Variants in HMCN1 observed in about 807,000 individuals in gnomAD.
The protein encoded by HMCN1 is hemicentin-1.
In HMCN1, 321 loss-of-function variants were observed where a neutral mutation model predicts 625.9. That is an observed-to-expected ratio of 0.51 (90% CI 0.47 to 0.56). The LOEUF (loss-of-function observed/expected upper bound fraction) is 0.56. HMCN1 is among the 20% of genes least tolerant of loss of function. The pLI, the probability that HMCN1 is intolerant of heterozygous loss-of-function variation, is 0.00. For missense variants in HMCN1, 6,588 were observed against 6,887.3 expected, an observed-to-expected ratio of 0.96 and a Z score of 1.54; for synonymous variants, 2,425 against 2,417.6, an observed-to-expected ratio of 1.00 and a Z score of -0.09.
chr1:185,906,877 G>A (rs1169358667), intron 4 of HMCN1, among the ~76,000 whole-genome samples: 1 of 150,518 alleles, frequency 6.6e-6, no homozygotes, highest in African/African-American at 2.4e-5. Flanking sequence ...TCCATATCAG[G>A]CATTATCCTC....
At chr1:186,063,066 G>GAATATATATATATATATA in intron 48 of HMCN1, among the ~76,000 whole-genome samples, 1 of 29,944 alleles carries the variant, frequency 3.3e-5, no homozygotes, top group East Asian at 1.1e-3. Flanking sequence ...GTGTGTGTGT[G>GAATATATATATATATATA]CATATATATA....
chr1:185,974,565 GTTC>G (rs1242381659), intron 15 of HMCN1, among the ~76,000 whole-genome samples: 1 of 152,116 alleles, frequency 6.6e-6, no homozygotes, highest in African/African-American at 2.4e-5. Context: ...ACTCACTGCT[GTTC>G]TTCTTCCCCA....
intron 91 of HMCN1, among the ~76,000 whole-genome samples, chr1:186,145,023 G>A (rs561614169): frequency 2.6e-4 from 40 of 152,274 alleles, no homozygotes; most frequent in African/African-American, 3.9e-4. Context: ...CCTTAGTGCC[G>A]TCATCAACCT....
In HMCN1 at chr1:185,836,886, G is replaced by A. The variant is rs59054107; in HGVS notation, c.269-9140G>A. Among the ~76,000 whole-genome samples the A allele has an allele frequency of 7.1e-3, 1,076 of 151,920 alleles. 13 individuals carry two copies. Among genetic ancestry groups the A allele is most frequent in the African/African-American group, 0.023 (964 of 41,432 alleles). On this transcript the variant is annotated intron_variant, in intron 1 of 106. Transcript: ENST00000271588. ...TGTAAGTGAGAACATTCAGTACTTG[G>A]TTTCTGTTCCTGTGTTAGTTTGCTT... is the stretch of plus-strand genomic sequence containing the variant.
At chr1:186,080,831 A>G (rs1659127303) in intron 55 of HMCN1, among the ~76,000 whole-genome samples, 1 of 151,680 alleles carries the variant, frequency 6.6e-6, no homozygotes, top group Admixed American at 6.6e-5. Flanking sequence ...CTGGATGACC[A>G]TATAGACTTA....
rs76485012 is a variant in HMCN1, at chr1:185,874,919, C to A, written c.621+9056C>A. Among the ~76,000 whole-genome samples the A allele has an allele frequency of 1.6e-3, 248 of 151,710 alleles. 4 individuals are homozygous for A. In the East Asian group the frequency reaches 0.035, roughly 22 times the overall value. ...GAAAGTCTTCAGGAACTAGTGAATG[C>A]ATTTGTGAAAATTTGGCCATTATTT... On this transcript the variant is annotated intron_variant, in intron 4 of 106. Transcript: ENST00000271588.
At chr1:185,738,681 G>A (rs554922219) in intron 1 of HMCN1, among the ~76,000 whole-genome samples, 3 of 152,286 alleles carry the variant, frequency 2.0e-5, no homozygotes, top group African/African-American at 4.8e-5. Context: ...CACCAGCGCT[G>A]TGTGAGGGTT....
At position 185,749,905 on chromosome 1, in the gene HMCN1, A is replaced by T. The variant is rs377684540; in HGVS notation, c.268+14858A>T. ...TCCTCTCCAGAGCCATTGCCCTTGC[A>T]GTTCCCTCTTTCCTCAGATCCTTGA... On this transcript the variant is annotated intron_variant, in intron 1 of 106. Transcript: ENST00000271588. Among the ~76,000 whole-genome samples the T allele has an allele frequency of 1.5e-4, 23 of 152,330 alleles. 1 individual carries two copies. Among genetic ancestry groups the T allele is most frequent in the African/African-American group, 5.3e-4 (22 of 41,572 alleles).
chr1:185,994,766 A>ACCTACCTAGTACC, intron 23 of HMCN1, 49 bp from the exon 24 acceptor site: 1 of 1,573,948 alleles, frequency 6.4e-7, no homozygotes. Flanking sequence ...GTGAGTAAAG[A>ACCTACCTAGTACC]AAGGAATTTG....
intron 26 of HMCN1, among the ~76,000 whole-genome samples, chr1:186,000,542 G>GGGGT (rs1441494066): frequency 1.4e-4 from 18 of 127,244 alleles, no homozygotes; most frequent in African/African-American, 6.0e-4. Flanking sequence ...CAGCGTGTAG[G>GGGGT]GTGTGTGTGT....
chr1:185,906,448 C>T (rs929175329), intron 4 of HMCN1, among the ~76,000 whole-genome samples: 4 of 151,758 alleles, frequency 2.6e-5, no homozygotes, highest in Non-Finnish European at 5.9e-5. Context: ...TATTCTGTAC[C>T]ATTTGAACAC....
At position 185,952,238 on chromosome 1, in the gene HMCN1, C is replaced by G. The variant is rs569654340; in HGVS notation, c.1829-10280C>G. On this transcript the variant is annotated intron_variant, in intron 11 of 106. Transcript: ENST00000271588. The stretch of plus-strand genomic sequence containing the variant: ...TGGGCAGGAGGGGGAGGGCTAGTCA[C>G]GGAATGAAACTGTAAGCCGGACCAG... Among the ~76,000 whole-genome samples the G allele has an allele frequency of 4.6e-5, 7 of 151,734 alleles. No homozygotes were observed. In the East Asian group the frequency reaches 5.8e-4, roughly 13 times the overall value.
chr1:185,808,559 T>G (rs1659318422), intron 1 of HMCN1, among the ~76,000 whole-genome samples: 3 of 152,080 alleles, frequency 2.0e-5, no homozygotes, highest in Admixed American at 2.0e-4. Flanking sequence ...CTTTAATTTG[T>G]TTTTTGTTAT....
At chr1:186,038,567 A>G (rs1204093575) in intron 37 of HMCN1, among the ~76,000 whole-genome samples, 1 of 152,172 alleles carries the variant, frequency 6.6e-6, no homozygotes, top group Non-Finnish European at 1.5e-5. Context: ...AAAGTTTGCT[A>G]TTAAATAATA....
At chr1:186,134,810 A>G (rs1021261439) in intron 86 of HMCN1, among the ~76,000 whole-genome samples, 4 of 152,152 alleles carry the variant, frequency 2.6e-5, no homozygotes, top group African/African-American at 4.8e-5. Flanking sequence ...TTTCAGTTCA[A>G]TGTCACTAAA....
intron 54 of HMCN1, among the ~76,000 whole-genome samples, chr1:186,077,768 T>G (rs756606870): frequency 9.2e-5 from 14 of 152,188 alleles, no homozygotes; most frequent in Non-Finnish European, 1.5e-4. Flanking sequence ...TGGTGTAAAC[T>G]TCTATTAAAA....
At chr1:185,973,768 T>C (rs1306342061) in intron 15 of HMCN1, among the ~76,000 whole-genome samples, 1 of 152,078 alleles carries the variant, frequency 6.6e-6, no homozygotes, top group African/African-American at 2.4e-5. Flanking sequence ...TGTGAAGTCA[T>C]TTGGAAGGAA....
rs754676921 is a variant in HMCN1 at position 186,117,511 on chromosome 1, C to T, written c.11736C>T (p.Ala3912=). Residue 3912 remains alanine (A), a synonymous_variant, in exon 77 of 107, where the codon GCC becomes GCT. Transcript: ENST00000271588. ...EPTDFLVTKH[A]PAVITCTASG... ...CAGATTTCCTAGTAACCAAACATGC[C>T]CCAGCAGTAATTACCTGCACTGCTT... The T allele has an allele frequency of 1.2e-6, 2 of 1,613,848 alleles. No homozygotes were observed. Among genetic ancestry groups the T allele is most frequent in the East Asian group, 4.5e-5 (2 of 44,864 alleles).
At chr1:186,163,792 T>G (rs1052337447) in intron 97 of HMCN1, among the ~76,000 whole-genome samples, 1 of 152,198 alleles carries the variant, frequency 6.6e-6, no homozygotes, top group Non-Finnish European at 1.5e-5. Flanking sequence ...ATGGCAATAT[T>G]GTAAAACCTG....
Sources: allele counts gnomAD v4.1 joint callset (sites outside exome capture counted in the v4.1 genomes callset), GRCh38; gene constraint gnomAD v4.1.1; transcripts MANE v1.5; gene names NCBI Gene and HGNC (gene_info 2026-07-23, HGNC 2026-07-21).